Variants in NAA35 observed in about 807,000 individuals in gnomAD.
The protein encoded by NAA35 is N-alpha-acetyltransferase 35, NatC auxiliary subunit.
NAA35 carries 18 observed loss-of-function variants against 101.7 expected under a neutral mutation model. The ratio of observed to expected loss-of-function variants is 0.18; its 90% CI spans 0.12 to 0.26. The LOEUF (loss-of-function observed/expected upper bound fraction) is 0.26, where lower values mean the gene tolerates loss of function less well. NAA35 is among the 10% of genes least tolerant of loss of function. The pLI, the probability that NAA35 is intolerant of heterozygous loss-of-function variation, is 1.00. For missense variants in NAA35, 601 were observed against 886.8 expected (o/e 0.68, Z 4.09); for synonymous variants, 267 against 273.1 (o/e 0.98, Z 0.22).
At chr9:85,993,464 C>T (rs936909049) in intron 11 of NAA35, among the ~76,000 whole-genome samples, 2 of 152,094 alleles carry the variant, frequency 1.3e-5, no homozygotes, top group Admixed American at 6.5e-5. Context: ...CCACCATGTC[C>T]GGCTAGGAAA....
intron 6 of NAA35, among the ~76,000 whole-genome samples, chr9:85,966,174 C>G (rs897040875): frequency 1.3e-5 from 2 of 152,088 alleles, no homozygotes; most frequent in Admixed American, 6.6e-5. Flanking sequence ...CTGCAATGCT[C>G]AAGTGATCTT....
intron 12 of NAA35, among the ~76,000 whole-genome samples, chr9:86,000,964 T>A (rs973147822): frequency 4.6e-5 from 7 of 152,166 alleles, no homozygotes; most frequent in East Asian, 1.9e-4. Flanking sequence ...TTTCTCTGAT[T>A]CTTTCAGTTG....
At chr9:85,982,902 A>G (rs1281551485) in intron 11 of NAA35, among the ~76,000 whole-genome samples, 3 of 152,196 alleles carry the variant, frequency 2.0e-5, no homozygotes, top group Admixed American at 6.5e-5. Context: ...TCTCCAAATA[A>G]CTATTTTTAG....
chr9:86,018,747 C>T lies in NAA35; in HGVS notation c.1963C>T (p.Leu655=), dbSNP rs766787456. The T allele has an allele frequency of 2.5e-6, 4 of 1,613,940 alleles. No homozygotes were observed. In the East Asian group the frequency reaches 6.7e-5, roughly 27 times the overall value. The change falls in exon 21 of 23, where the codon CTG becomes TTG. Residue 655 remains leucine (L), a synonymous_variant. Coordinates refer to ENST00000361671, the MANE Select transcript of NAA35 (RefSeq NM_024635.4). ...TAGCCCTCCTCCTCAGTCTCCTGAA[C>T]TGTATGTGGCAGCTAGTAAGCACTT... The part of the protein sequence containing the change: ...KYSPPPQSPE[L]YVAASKHFQQ...
rs200022246 is a variant in NAA35, at chr9:85,976,647, T to G, written c.628-38T>G. 1.7e-3 allele frequency: 2,505 copies of G among 1,445,458 alleles called. 14 individuals carry two copies. Among genetic ancestry groups the G allele is most frequent in the Middle Eastern group, 0.016 (92 of 5,582 alleles). The allele number at this position is 1,445,458 out of a possible 1,614,324, so 89.5% of individuals were successfully genotyped here. A position where few individuals can be genotyped will look rare whatever the true frequency, so the allele number is the denominator to read the frequency against. ...TATGTATTTGTAATGTAATATTTTT[T>G]CAGGTTTGTGTTTAATTCACCTTTT... On this transcript the variant is annotated intron_variant, in intron 8 of 22. Coordinates refer to ENST00000361671, the MANE Select transcript of NAA35 (RefSeq NM_024635.4).
chr9:85,986,175 A>G (rs1025514125), intron 11 of NAA35, among the ~76,000 whole-genome samples: 10 of 152,238 alleles, frequency 6.6e-5, no homozygotes, highest in African/African-American at 9.6e-5. Context: ...GAGAGAACTG[A>G]CAAATGGTTT....
At chr9:85,942,101 T>TA in intron 1 of NAA35, 54 bp from the exon 2 acceptor site, 1 of 1,579,864 alleles carries the variant, frequency 6.3e-7, no homozygotes. Flanking sequence ...TTTCTGCAAA[T>TA]ACTCTTGCCC....
intron 5 of NAA35, among the ~76,000 whole-genome samples, chr9:85,961,223 C>T (rs894433501): frequency 1.7e-4 from 26 of 152,172 alleles, no homozygotes; most frequent in Non-Finnish European, 1.9e-4. Context: ...AAACATTTGT[C>T]ATTTTGCAAT....
In NAA35 at chr9:86,000,111, G is replaced by A. The variant is rs1407420906; in HGVS notation, c.1057-3474G>A. On this transcript the variant is annotated intron_variant, in intron 12 of 22. Coordinates refer to ENST00000361671, the MANE Select transcript of NAA35 (RefSeq NM_024635.4). ...TATTGAGAGTGTAACATGAAGGGAT[G>A]TTAAATTTTATCAGAAGGCTTTTCT... 2.0e-5 allele frequency among the ~76,000 whole-genome samples: 3 copies of A among 152,112 alleles called. No individual in the cohort carries two copies. In the East Asian group the frequency reaches 5.8e-4, roughly 29 times the overall value.
intron 3 of NAA35, among the ~76,000 whole-genome samples, chr9:85,956,863 A>G (rs13297504): frequency 2.0e-5 from 3 of 152,328 alleles, no homozygotes; most frequent in Admixed American, 6.5e-5. Context: ...AGACTGGGCA[A>G]CTGCGTCTAG....
At chr9:86,018,131 A>G (rs1832324902) in intron 19 of NAA35, 124 bp from the exon 20 acceptor site, 1 of 814,000 alleles carries the variant, frequency 1.2e-6, no homozygotes, top group East Asian at 2.7e-5. Context: ...ATATGTCCTC[A>G]TTTCTTCAGA....
In NAA35 at chr9:85,941,235, G is replaced by C. The variant is rs1828497311; in HGVS notation, c.-44G>C. 2 of 986,682 alleles carry C rather than the reference G, an allele frequency of 2.0e-6. No homozygotes were observed. Among genetic ancestry groups the C allele is most frequent in the Non-Finnish European group, 1.2e-6 (1 of 830,850 alleles). The allele number at this position is 986,682 out of a possible 1,614,324, so 61.1% of individuals were successfully genotyped here. A position where few individuals can be genotyped will look rare whatever the true frequency, so the allele number is the denominator to read the frequency against. ...GCGGCGTCGTTATTTCCGTGGTCCG[G>C]ACAGTGCGTGGCGGCGCGGGTGACC... On this transcript the variant is annotated 5_prime_UTR_variant, in exon 1 of 23. Transcript: ENST00000361671.
intron 6 of NAA35, among the ~76,000 whole-genome samples, chr9:85,964,788 ACTGT>A (rs1341253706): frequency 3.3e-5 from 5 of 152,214 alleles, no homozygotes; most frequent in African/African-American, 4.8e-5. Context: ...CTGGAGGTAC[ACTGT>A]CTGTCTTTCA....
chr9:86,006,023 T>C (rs1416100229), intron 13 of NAA35, among the ~76,000 whole-genome samples: 2 of 151,860 alleles, frequency 1.3e-5, no homozygotes, highest in African/African-American at 4.8e-5. Context: ...ATACAAAAAT[T>C]AGCCTGGCAT....
At chr9:86,014,405 TAAAC>T in intron 17 of NAA35, 4 of 965,832 alleles carry the variant, frequency 4.1e-6, no homozygotes, top group Non-Finnish European at 4.9e-6. Flanking sequence ...GCGGACAAAA[TAAAC>T]CTAGTAAGAG....
intron 8 of NAA35, 74 bp from the exon 9 acceptor site, chr9:85,976,609 CAG>C: frequency 5.5e-6 from 6 of 1,100,404 alleles, no homozygotes; most frequent in Non-Finnish European, 7.8e-6. Context: ...CTTAAAAAAT[CAG>C]TGTTTTTCCT....
chr9:86,000,390 T>C (rs148345017), intron 12 of NAA35, among the ~76,000 whole-genome samples: 1 of 152,188 alleles, frequency 6.6e-6, no homozygotes, highest in Non-Finnish European at 1.5e-5. Flanking sequence ...CAGGTTTTGG[T>C]ATCAAGATGA....
chr9:86,019,734 G>A (rs1832428757), intron 21 of NAA35, among the ~76,000 whole-genome samples: 1 of 152,140 alleles, frequency 6.6e-6, no homozygotes, highest in Non-Finnish European at 1.5e-5. Flanking sequence ...TCTTGGGACC[G>A]CTTCCATAGA....
chr9:86,015,250 A>G (rs1832150393), intron 17 of NAA35, among the ~76,000 whole-genome samples: 1 of 152,208 alleles, frequency 6.6e-6, no homozygotes, highest in Non-Finnish European at 1.5e-5. Flanking sequence ...ACATTTGTCT[A>G]TATACATAAG....
Sources: gnomAD v4.1 joint callset for allele counts (sites outside exome capture counted in the v4.1 genomes callset) on GRCh38, gnomAD v4.1.1 for gene constraint, MANE v1.5 for transcripts, NCBI Gene and HGNC (gene_info 2026-07-23, HGNC 2026-07-21) for gene names.